CYTH1: variants seen among roughly 807,000 people sequenced by gnomAD.
CYTH1 encodes the protein cytohesin-1.
CYTH1 carries 18 observed loss-of-function variants against 61.8 expected under a neutral mutation model. That is an observed-to-expected ratio of 0.29 (90% CI 0.20 to 0.43). The LOEUF (loss-of-function observed/expected upper bound fraction) is 0.43. CYTH1 is among the 20% of genes least tolerant of loss of function. CYTH1 has a pLI of 1.00. For missense variants in CYTH1, 336 were observed against 510.5 expected (o/e 0.66, Z 3.29); for synonymous variants, 174 against 184.3 (o/e 0.94, Z 0.45).
intron 3 of CYTH1, among the ~76,000 whole-genome samples, chr17:78,706,342 C>T (rs1045985545): frequency 1.0e-4 from 13 of 127,140 alleles, no homozygotes; most frequent in African/African-American, 2.9e-4. Context: ...GTCATGATTT[C>T]GGCTAGCACA....
intron 11 of CYTH1, among the ~76,000 whole-genome samples, chr17:78,687,401 A>G (rs2092827797): frequency 6.6e-6 from 1 of 152,144 alleles, no homozygotes; most frequent in Non-Finnish European, 1.5e-5. Flanking sequence ...TTAATCCAGA[A>G]CATATGGAGA....
At chr17:78,723,085 A>G (rs1452845182) in intron 1 of CYTH1, 3 of 152,502 alleles carry the variant, frequency 2.0e-5, no homozygotes, top group Non-Finnish European at 2.9e-5. Context: ...AAGGACAGAC[A>G]TGCAGAGAGA....
chr17:78,757,937 T>A (rs1480538353), intron 1 of CYTH1, among the ~76,000 whole-genome samples: 1 of 151,810 alleles, frequency 6.6e-6, no homozygotes. Flanking sequence ...AAAAAAAGTT[T>A]AAAAAAATAG....
chr17:78,760,796 T>C (rs1022514215), intron 1 of CYTH1, among the ~76,000 whole-genome samples: 1 of 151,778 alleles, frequency 6.6e-6, no homozygotes. Flanking sequence ...ACATCACTTC[T>C]CAAAATCAAA....
Position 78,676,043 on chromosome 17 carries a change from G to A in CYTH1, c.*48C>T. On this transcript the variant is annotated 3_prime_UTR_variant, in exon 14 of 14. Transcript: ENST00000446868. Reference sequence around the variant, plus strand: ...GTGCATCCATGGAGGTGCGGGAGAAGAGCAGGAGCTCCAAGGCCCCCGCAG... The same window carrying A: ...GTGCATCCATGGAGGTGCGGGAGAAAAGCAGGAGCTCCAAGGCCCCCGCAG... 20 of 1,571,288 alleles carry A rather than the reference G, an allele frequency of 1.3e-5. No homozygotes were observed. Among genetic ancestry groups the A allele is most frequent in the Non-Finnish European group, 1.7e-5 (20 of 1,157,276 alleles).
intron 9 of CYTH1, chr17:78,696,680 A>C (rs1416442191): frequency 6.6e-6 from 1 of 152,254 alleles, no homozygotes; most frequent in Non-Finnish European, 1.5e-5. Context: ...CACTTGGTTA[A>C]ATTTTCTCTT....
chr17:78,722,406 C>G (rs571189986), intron 1 of CYTH1, among the ~76,000 whole-genome samples: 27 of 152,288 alleles, frequency 1.8e-4, no homozygotes, highest in Middle Eastern at 6.8e-3. Context: ...CCTCCTTGAG[C>G]CAAGTGGCCT....
intron 1 of CYTH1, among the ~76,000 whole-genome samples, chr17:78,764,283 G>A (rs112082444): frequency 0.032 from 4,595 of 145,574 alleles, 102 homozygotes; most frequent in Non-Finnish European, 0.05. Context: ...TGAAACCTCC[G>A]CCTCCTGGGT....
At chr17:78,767,980 C>T (rs545609809) in intron 1 of CYTH1, among the ~76,000 whole-genome samples, 6 of 152,170 alleles carry the variant, frequency 3.9e-5, no homozygotes, top group Non-Finnish European at 8.8e-5. Context: ...TAGTCTGCAG[C>T]TGCTGTGTAC....
intron 1 of CYTH1, among the ~76,000 whole-genome samples, chr17:78,778,168 T>C (rs932320164): frequency 6.6e-6 from 1 of 150,508 alleles, no homozygotes; most frequent in Admixed American, 6.7e-5. Flanking sequence ...CCAGACATGA[T>C]AGCATGTGCC....
chr17:78,760,495 A>AG (rs1471025159), intron 1 of CYTH1, among the ~76,000 whole-genome samples: 1 of 49,464 alleles, frequency 2.0e-5, no homozygotes, highest in East Asian at 5.5e-4. Flanking sequence ...GTATATATAT[A>AG]TACATATATA....
In CYTH1 at chr17:78,712,684, A is replaced by C. The variant is rs141955089; in HGVS notation, c.23-2952T>G. On this transcript the variant is annotated intron_variant, in intron 1 of 13. Coordinates refer to ENST00000446868, the MANE Select transcript of CYTH1 (RefSeq NM_004762.6). Reference sequence around the variant, plus strand: ...AAATAATAATAATAATAATATAAAAAATAAAAAATAATTATTTCATAATCA... The same window carrying C: ...AAATAATAATAATAATAATATAAAACATAAAAAATAATTATTTCATAATCA... Among the ~76,000 whole-genome samples, 765 of 151,976 alleles carry C rather than the reference A, an allele frequency of 5.0e-3. 1 individual carries two copies. The highest frequency in any genetic ancestry group is 0.018 in the African/African-American group (735 of 41,432).
At chr17:78,714,739 G>A (rs930054140) in intron 1 of CYTH1, among the ~76,000 whole-genome samples, 2 of 152,038 alleles carry the variant, frequency 1.3e-5, no homozygotes, top group African/African-American at 4.8e-5. Flanking sequence ...CAGAGCTTCC[G>A]CTTAACATGT....
At chr17:78,774,419 G>A (rs897542302) in intron 1 of CYTH1, among the ~76,000 whole-genome samples, 4 of 152,122 alleles carry the variant, frequency 2.6e-5, no homozygotes, top group African/African-American at 9.7e-5. Context: ...CAAAGAAAAC[G>A]GGTTCTGCAT....
rs2093319659 is a variant in CYTH1 at position 78,736,314 on chromosome 17, C to A, written c.23-26582G>T. Among the ~76,000 whole-genome samples the A allele has an allele frequency of 7.9e-5, 12 of 152,208 alleles. No individual in the cohort carries two copies. In the South Asian group the frequency reaches 2.5e-3, roughly 32 times the overall value. ...ATGAAGTGGAATCTACCAAGAAACA[C>A]CCAAGGCGGAACTCTAACGAAAGCA... On this transcript the variant is annotated intron_variant, in intron 1 of 13. Transcript: ENST00000446868.
intron 1 of CYTH1, among the ~76,000 whole-genome samples, chr17:78,730,981 G>A (rs1447749349): frequency 2.0e-5 from 3 of 152,024 alleles, no homozygotes; most frequent in African/African-American, 7.3e-5. Context: ...ATCTTCTTAA[G>A]GAAGAAGTGA....
intron 1 of CYTH1, among the ~76,000 whole-genome samples, chr17:78,747,294 A>C (rs2093363401): frequency 6.6e-6 from 1 of 152,028 alleles, no homozygotes; most frequent in South Asian, 2.1e-4. Flanking sequence ...TATACTAACG[A>C]GGGGAGTGAC....
In CYTH1 at chr17:78,692,502, C is replaced by G; in HGVS notation, c.815-9G>C. 1 of 1,613,482 alleles carries G rather than the reference C, an allele frequency of 6.2e-7. No individual in the cohort carries two copies. Among genetic ancestry groups the G allele is most frequent in the South Asian group, 1.1e-5 (1 of 91,044 alleles). ...AGTCTTTACCCTGCCACCTGCAGAG[C>G]AAAAAGAGATGCACGTTCGACAAGA... On this transcript the variant is annotated splice_polypyrimidine_tract_variant and intron_variant, in intron 10 of 13. Transcript: ENST00000446868.
chr17:78,684,648 A>T (rs2092797716), intron 11 of CYTH1, among the ~76,000 whole-genome samples: 1 of 152,262 alleles, frequency 6.6e-6, no homozygotes, highest in Non-Finnish European at 1.5e-5. Context: ...AATCACTCCT[A>T]AATTATCATT....
Sources: allele counts gnomAD v4.1 joint callset (sites outside exome capture counted in the v4.1 genomes callset), GRCh38; gene constraint gnomAD v4.1.1; transcripts MANE v1.5; gene names NCBI Gene and HGNC (gene_info 2026-07-23, HGNC 2026-07-21).